The following FOXN2 variants were observed in gnomAD, a reference collection of about 807,000 sequenced individuals.
FOXN2 encodes the protein forkhead box N2, also known as forkhead box protein N2.
A neutral mutation model predicts 41.2 loss-of-function variants in FOXN2; 19 were observed. That is an observed-to-expected ratio of 0.46 (90% CI 0.32 to 0.68). FOXN2 has a LOEUF of 0.68. Among genes scored for constraint, FOXN2 ranks in the 30% least tolerant of loss-of-function variants. The pLI is 0.03. For missense variants in FOXN2, 587 were observed against 509.4 expected, an observed-to-expected ratio of 1.15 and a Z score of -1.47; for synonymous variants, 195 against 176.8, an observed-to-expected ratio of 1.10 and a Z score of -0.82.
intron 4 of FOXN2, among the ~76,000 whole-genome samples, chr2:48,361,644 A>C (rs1331173966): frequency 1.3e-5 from 2 of 152,168 alleles, no homozygotes; most frequent in Non-Finnish European, 2.9e-5. Context: ...TGAGGAAAAG[A>C]GTGAGATACA....
intron 2 of FOXN2, among the ~76,000 whole-genome samples, chr2:48,342,693 G>A (rs1670853764): frequency 6.6e-6 from 1 of 151,956 alleles, no homozygotes; most frequent in South Asian, 2.1e-4. Context: ...CTCTGTCTAC[G>A]GTCATAGCAC....
At chr2:48,340,473 A>G (rs749467541) in intron 2 of FOXN2, among the ~76,000 whole-genome samples, 6 of 152,150 alleles carry the variant, frequency 3.9e-5, no homozygotes, top group Non-Finnish European at 5.9e-5. Context: ...CAGATGTGCA[A>G]ATCTCTGTTA....
At chr2:48,349,500 G>A (rs1460472988) in intron 3 of FOXN2, among the ~76,000 whole-genome samples, 3 of 151,860 alleles carry the variant, frequency 2.0e-5, no homozygotes, top group African/African-American at 7.3e-5. Context: ...TAAGCTGGAC[G>A]TGGTGGCTCA....
At chr2:48,336,274 G>A (rs957460905) in intron 2 of FOXN2, among the ~76,000 whole-genome samples, 1 of 151,576 alleles carries the variant, frequency 6.6e-6, no homozygotes, top group Admixed American at 6.6e-5. Flanking sequence ...CGGGTGTGGT[G>A]GTGCACGCCT....
At chr2:48,319,876 C>A (rs1397746641) in intron 1 of FOXN2, among the ~76,000 whole-genome samples, 1 of 147,742 alleles carries the variant, frequency 6.8e-6, no homozygotes, top group African/African-American at 2.5e-5. Flanking sequence ...AAGGGATCCT[C>A]CTACCTCAGC....
At chr2:48,339,273 A>G (rs1324456125) in intron 2 of FOXN2, among the ~76,000 whole-genome samples, 1 of 152,120 alleles carries the variant, frequency 6.6e-6, no homozygotes, top group East Asian at 1.9e-4. Context: ...CTTTAATTGT[A>G]ATCCGAATTG....
chr2:48,326,351 A>G (rs1292121882), intron 1 of FOXN2, among the ~76,000 whole-genome samples: 2 of 151,544 alleles, frequency 1.3e-5, no homozygotes, highest in Non-Finnish European at 2.9e-5. Flanking sequence ...AGGTTAGAGC[A>G]TGGCTAAAAT....
chr2:48,346,611 T>C lies in FOXN2; in HGVS notation c.397T>C (p.Leu133=). Residue 133 remains leucine (L), a synonymous_variant, in exon 3 of 7, where the codon TTG becomes CTG. Coordinates refer to ENST00000340553, the MANE Select transcript of FOXN2 (RefSeq NM_002158.4). ...CATTGAGCACTCTCCAAATAAATGT[T>C]TGCCTGTCAAAGAAATTTATAGCTG... ...MAIEHSPNKC[L]PVKEIYSWIL... The C allele has an allele frequency of 6.2e-7, 1 of 1,614,188 alleles. No homozygotes were observed. Among genetic ancestry groups the C allele is most frequent in the African/African-American group, 1.3e-5 (1 of 75,046 alleles).
chr2:48,370,950 C>A (rs966010961), intron 5 of FOXN2, among the ~76,000 whole-genome samples: 18 of 152,100 alleles, frequency 1.2e-4, no homozygotes, highest in Non-Finnish European at 2.1e-4. Context: ...GGTCTTTGAT[C>A]CATTTTGAGC....
intron 3 of FOXN2, among the ~76,000 whole-genome samples, chr2:48,348,321 A>G (rs922781858): frequency 5.3e-5 from 8 of 151,812 alleles, no homozygotes; most frequent in Admixed American, 6.6e-5. Flanking sequence ...CATTCTGCTG[A>G]TAAGCCCCAA....
At chr2:48,354,430 T>A (rs1168463445) in intron 3 of FOXN2, among the ~76,000 whole-genome samples, 1 of 152,116 alleles carries the variant, frequency 6.6e-6, no homozygotes, top group Non-Finnish European at 1.5e-5. Flanking sequence ...TGAAACCCCA[T>A]CTCTACTAAA....
chr2:48,332,638 T>G (rs538292843), intron 2 of FOXN2, among the ~76,000 whole-genome samples: 2 of 152,306 alleles, frequency 1.3e-5, no homozygotes, highest in African/African-American at 4.8e-5. Context: ...TTTTGTACCC[T>G]GATTTTTATA....
intron 2 of FOXN2, among the ~76,000 whole-genome samples, chr2:48,339,200 C>G (rs190571809): frequency 6.6e-6 from 1 of 152,208 alleles, no homozygotes; most frequent in African/African-American, 2.4e-5. Flanking sequence ...CAAATTAAAA[C>G]TGCAAGGAGA....
At chr2:48,353,530 TTAG>T (rs1451808930) in intron 3 of FOXN2, among the ~76,000 whole-genome samples, 1 of 150,304 alleles carries the variant, frequency 6.7e-6, no homozygotes, top group Non-Finnish European at 1.5e-5. Context: ...GGTCAAGGCC[TTAG>T]TAGAATAGTC....
At chr2:48,360,684 CTTTA>C (rs1572761655) in intron 4 of FOXN2, among the ~76,000 whole-genome samples, 2 of 151,564 alleles carry the variant, frequency 1.3e-5, no homozygotes, top group Admixed American at 1.3e-4. Flanking sequence ...AAATTGATAT[CTTTA>C]TTAATTAATT....
intron 1 of FOXN2, among the ~76,000 whole-genome samples, chr2:48,320,369 C>T (rs145202923): frequency 2.3e-3 from 348 of 151,964 alleles, no homozygotes; most frequent in Non-Finnish European, 3.5e-3. Flanking sequence ...CAGCTTACTG[C>T]AACCTCTGTC....
chr2:48,317,501 G>A (rs867429219), intron 1 of FOXN2, among the ~76,000 whole-genome samples: 8 of 148,594 alleles, frequency 5.4e-5, no homozygotes, highest in Middle Eastern at 7.1e-3. Flanking sequence ...TTGATGCTTT[G>A]GGAAACTAAC....
In FOXN2 at chr2:48,375,527, G is replaced by A. The variant is rs1046246666; in HGVS notation, c.*84G>A. 127 of 1,298,700 alleles carry A rather than the reference G, an allele frequency of 9.8e-5. No homozygotes were observed. The highest frequency in any genetic ancestry group is 1.2e-4 in the Non-Finnish European group (114 of 965,918). 80.4% of individuals were successfully genotyped at this position (1,298,700 alleles called of 1,614,324 possible). On this transcript the variant is annotated 3_prime_UTR_variant, in exon 7 of 7. Coordinates refer to ENST00000340553, the MANE Select transcript of FOXN2 (RefSeq NM_002158.4). Reference sequence around the variant, plus strand: ...CATAATGGACTTCATTAGTTTTAGGGTAGGGAAGGGATACTAATTACTTAT... The same window carrying A: ...CATAATGGACTTCATTAGTTTTAGGATAGGGAAGGGATACTAATTACTTAT...
intron 3 of FOXN2, among the ~76,000 whole-genome samples, chr2:48,350,184 A>G (rs978187882): frequency 2.6e-5 from 4 of 152,198 alleles, no homozygotes; most frequent in Admixed American, 2.6e-4. Context: ...CAGCTATAGG[A>G]TATTTCTGTC....
Sources: allele counts gnomAD v4.1 joint callset (sites outside exome capture counted in the v4.1 genomes callset), GRCh38; gene constraint gnomAD v4.1.1; transcripts MANE v1.5; gene names NCBI Gene and HGNC (gene_info 2026-07-23, HGNC 2026-07-21).